FSTL4: variants seen among roughly 807,000 people sequenced by gnomAD.
The protein encoded by FSTL4 is follistatin like 4.
Under a neutral mutation model 78.2 loss-of-function variants are expected in FSTL4, and 28 were observed. The observed-to-expected ratio is 0.36, with a 90% confidence interval of 0.27 to 0.49. FSTL4 has a LOEUF of 0.49. FSTL4 is among the 20% of genes least tolerant of loss of function. The pLI is 0.98. For missense variants in FSTL4, 922 were observed against 1,084.9 expected (o/e 0.85, Z 2.11); for synonymous variants, 422 against 440.5 (o/e 0.96, Z 0.53).
At chr5:133,591,989 A>G (rs955294258) in intron 2 of FSTL4, among the ~76,000 whole-genome samples, 1 of 152,164 alleles carries the variant, frequency 6.6e-6, no homozygotes, top group African/African-American at 2.4e-5. Context: ...TCACAGACCC[A>G]GATACCCACC....
At chr5:133,764,295 C>G in the FSTL4 span, among the ~76,000 whole-genome samples, 1 of 152,156 alleles carries the variant, frequency 6.6e-6, no homozygotes. Context: ...GCTCTGGGAT[C>G]AGAGCAGCCC....
intron 6 of FSTL4, among the ~76,000 whole-genome samples, chr5:133,271,035 T>C (rs1204408688): frequency 1.3e-5 from 2 of 152,198 alleles, no homozygotes; most frequent in African/African-American, 4.8e-5. Flanking sequence ...TGAGCTCTGC[T>C]TCCAGGCCTG....
intron 3 of FSTL4, among the ~76,000 whole-genome samples, chr5:133,518,677 A>G (rs1758911815): frequency 1.3e-5 from 2 of 152,254 alleles, no homozygotes; most frequent in Non-Finnish European, 2.9e-5. Flanking sequence ...GGACAAGGAT[A>G]TAAGAACAGA....
At chr5:133,659,690 C>T in the FSTL4 span, among the ~76,000 whole-genome samples, 2 of 151,306 alleles carry the variant, frequency 1.3e-5, no homozygotes, top group Admixed American at 1.3e-4. Context: ...TTCTTCTTCC[C>T]CTTTCCTTTC....
chr5:133,405,452 G>A (rs1348131295), intron 3 of FSTL4, among the ~76,000 whole-genome samples: 1 of 152,194 alleles, frequency 6.6e-6, no homozygotes, highest in African/African-American at 2.4e-5. Context: ...GGCAGATACA[G>A]CCCTTACACA....
At chr5:133,781,008 A>G in the FSTL4 span, among the ~76,000 whole-genome samples, 148 of 152,122 alleles carry the variant, frequency 9.7e-4, 3 homozygotes, top group East Asian at 0.026. Context: ...TCCAAAGTCA[A>G]CCCCCAACCC....
chr5:133,422,792 C>A (rs953015089), intron 3 of FSTL4, among the ~76,000 whole-genome samples: 1 of 152,204 alleles, frequency 6.6e-6, no homozygotes, highest in South Asian at 2.1e-4. Flanking sequence ...TGAAATTTAA[C>A]AATTCTATCT....
At chr5:133,832,053 G>A in the FSTL4 span, among the ~76,000 whole-genome samples, 592 of 152,260 alleles carry the variant, frequency 3.9e-3, 3 homozygotes, top group African/African-American at 0.014. Flanking sequence ...GAAATGACTC[G>A]CATTTTCTTA....
the FSTL4 span, among the ~76,000 whole-genome samples, chr5:133,662,554 T>C: frequency 8.1e-4 from 124 of 152,282 alleles, no homozygotes; most frequent in Non-Finnish European, 5.9e-5. Flanking sequence ...AAAAAATCTA[T>C]GGTTTGACAA....
At chr5:133,729,226 A>AACACACAC in the FSTL4 span, among the ~76,000 whole-genome samples, 10 of 148,424 alleles carry the variant, frequency 6.7e-5, no homozygotes, top group South Asian at 2.3e-4. Flanking sequence ...GATTTATGAA[A>AACACACAC]ACACACACAC....
At chr5:133,779,305 G>C in the FSTL4 span, among the ~76,000 whole-genome samples, 3 of 152,056 alleles carry the variant, frequency 2.0e-5, no homozygotes, top group African/African-American at 7.2e-5. Flanking sequence ...AAGTGATGTG[G>C]GCCAGGCATG....
intron 3 of FSTL4, among the ~76,000 whole-genome samples, chr5:133,482,528 C>T (rs1037536478): frequency 3.9e-5 from 6 of 152,210 alleles, no homozygotes; most frequent in African/African-American, 1.2e-4. Flanking sequence ...CAGAGGCTGA[C>T]CCCTCACCTT....
intron 4 of FSTL4, among the ~76,000 whole-genome samples, chr5:133,320,282 G>C (rs1378109411): frequency 6.6e-6 from 1 of 152,082 alleles, no homozygotes; most frequent in Non-Finnish European, 1.5e-5. Context: ...GTGTGTCAAA[G>C]TCATAGGTTA....
intron 3 of FSTL4, among the ~76,000 whole-genome samples, chr5:133,451,803 C>G (rs1289975738): frequency 6.6e-6 from 1 of 152,124 alleles, no homozygotes; most frequent in Non-Finnish European, 1.5e-5. Flanking sequence ...CAGAATTGTT[C>G]AAGTTGGGCG....
At chr5:133,680,617 C>G in the FSTL4 span, among the ~76,000 whole-genome samples, 1 of 152,158 alleles carries the variant, frequency 6.6e-6, no homozygotes, top group African/African-American at 2.4e-5. Context: ...AAGAACTTGC[C>G]TCCCAATGTG....
intron 2 of FSTL4, among the ~76,000 whole-genome samples, chr5:133,595,265 G>C (rs1247997272): frequency 6.6e-6 from 1 of 152,188 alleles, no homozygotes; most frequent in Non-Finnish European, 1.5e-5. Context: ...CAAGAAGAAA[G>C]TTAAGAAGAT....
rs1751283267 is a variant in FSTL4, at chr5:133,225,098, C to T, written c.1312+52G>A. On this transcript the variant is annotated intron_variant, in intron 10 of 15. Coordinates refer to ENST00000265342, the MANE Select transcript of FSTL4 (RefSeq NM_015082.2). This position sits in a 1 kb window ranked among gnomAD's most constrained non-coding sequence, Gnocchi z 4.6. ...GGTCAATTGGTGCCCTCCCTTGCCA[C>T]CCAACACCTCCCAGCCAGCTCAGTG... 19 of 1,611,426 alleles carry T rather than the reference C, an allele frequency of 1.2e-5. No individual in the cohort carries two copies. Among genetic ancestry groups the T allele is most frequent in the Non-Finnish European group, 1.6e-5 (19 of 1,178,140 alleles).
chr5:133,498,849 G>A (rs1236162285), intron 3 of FSTL4, among the ~76,000 whole-genome samples: 1 of 151,566 alleles, frequency 6.6e-6, no homozygotes, highest in Admixed American at 6.6e-5. Flanking sequence ...TTTTTATTGA[G>A]CACCTGCTGG....
chr5:133,221,913 T>TTTTTTTTTTG (rs1561626860), intron 11 of FSTL4, among the ~76,000 whole-genome samples: 23 of 97,834 alleles, frequency 2.4e-4, no homozygotes, highest in Middle Eastern at 6.1e-3. Context: ...TTTTTTTTTT[T>TTTTTTTTTTG]TTTTTTTTTT....
Sources: allele counts gnomAD v4.1 joint callset (sites outside exome capture counted in the v4.1 genomes callset), GRCh38; gene constraint gnomAD v4.1.1; non-coding constraint Gnocchi (gnomAD v3.1); transcripts MANE v1.5; gene names NCBI Gene and HGNC (gene_info 2026-07-23, HGNC 2026-07-21).